The following IFT74 variants were observed in gnomAD, a reference collection of about 807,000 sequenced individuals.
IFT74 encodes the protein intraflagellar transport protein 74 homolog.
In IFT74, 92 loss-of-function variants were observed where a neutral mutation model predicts 96.7. The observed-to-expected ratio is 0.95, with a 90% CI of 0.80 to 1.13. The LOEUF (loss-of-function observed/expected upper bound fraction) is 1.13, where lower values mean the gene tolerates loss of function less well. Ranked by LOEUF, IFT74 falls within the 50% of genes most tolerant of loss-of-function variation. The pLI is 0.00. For missense variants in IFT74, 811 were observed against 698.2 expected, an observed-to-expected ratio of 1.16 and a Z score of -1.82; for synonymous variants, 223 against 213.2, an observed-to-expected ratio of 1.05 and a Z score of -0.40.
At chr9:26,992,282 A>G (rs993653831) in intron 8 of IFT74, among the ~76,000 whole-genome samples, 3 of 152,200 alleles carry the variant, frequency 2.0e-5, no homozygotes, top group Admixed American at 1.3e-4. Context: ...AAAATCTTCA[A>G]ATATGGTAAT....
intron 2 of IFT74, among the ~76,000 whole-genome samples, chr9:26,972,761 C>T (rs1182393631): frequency 1.3e-5 from 2 of 152,150 alleles, no homozygotes; most frequent in South Asian, 4.1e-4. Flanking sequence ...TCAATCCATT[C>T]GGGCCTTATT....
At chr9:26,948,887 C>A (rs935111860) in intron 1 of IFT74, among the ~76,000 whole-genome samples, 1 of 152,130 alleles carries the variant, frequency 6.6e-6, no homozygotes, top group Non-Finnish European at 1.5e-5. Flanking sequence ...TGTCACAATT[C>A]CCTGAACACA....
intron 4 of IFT74, among the ~76,000 whole-genome samples, chr9:26,983,372 G>A (rs993244322): frequency 1.3e-5 from 2 of 152,174 alleles, no homozygotes; most frequent in African/African-American, 4.8e-5. Flanking sequence ...TTGTGTAATT[G>A]TCTGGCTCTA....
At chr9:27,034,347 A>T (rs1216392771) in intron 13 of IFT74, among the ~76,000 whole-genome samples, 1 of 152,222 alleles carries the variant, frequency 6.6e-6, no homozygotes, top group Admixed American at 6.5e-5. Context: ...AACTTTCTGC[A>T]TAATATATAT....
Position 27,019,836 on chromosome 9 carries a change from G to A in IFT74, c.974+1149G>A, listed in dbSNP as rs73436072. On this transcript the variant is annotated intron_variant, in intron 12 of 19. Coordinates refer to ENST00000380062, the MANE Select transcript of IFT74 (RefSeq NM_025103.4). ...GACTCATGACTATGTTTAACTTTTT[G>A]AAGAACTACCAGACTGTTTTCCAAA... 7.2e-3 allele frequency among the ~76,000 whole-genome samples: 1,092 copies of A among 151,980 alleles called. 17 individuals carry two copies. Among genetic ancestry groups the A allele is most frequent in the African/African-American group, 0.025 (1,026 of 41,466 alleles).
Position 27,062,639 on chromosome 9 carries a change from A to C in IFT74, c.1706A>C (p.Glu569Ala). 6.2e-7 allele frequency: 1 copy of C among 1,603,862 alleles called. No homozygotes were observed. The highest frequency in any genetic ancestry group is 8.5e-7 in the Non-Finnish European group (1 of 1,172,482). The part of the protein sequence containing the change: ...MKEFIATKSQ[E>A]SDYQPIKKNV... ...TTAGTCATAGCAACCAAGAGTCAAG[A>C]GAGTGATTACCAGCCAATTAAGAAA... The change falls in exon 20 of 20, where the codon GAG becomes GCG. Residue 569 changes from glutamate (E) to alanine (A), a missense_variant. Coordinates refer to ENST00000380062, the MANE Select transcript of IFT74 (RefSeq NM_025103.4).
intron 12 of IFT74, among the ~76,000 whole-genome samples, chr9:27,025,178 C>G (rs1036412874): frequency 6.6e-6 from 1 of 152,054 alleles, no homozygotes; most frequent in African/African-American, 2.4e-5. Flanking sequence ...AGCACGGTGG[C>G]TCACACCTGT....
At chr9:27,062,487 T>G (rs947539632) in intron 19 of IFT74, 131 bp from the exon 20 acceptor site, 2 of 569,072 alleles carry the variant, frequency 3.5e-6, no homozygotes, top group South Asian at 5.5e-5. Context: ...AATGATGTAC[T>G]GTATTTTAAA....
Position 26,990,187 on chromosome 9 carries a change from A to G in IFT74, c.579A>G (p.Glu193=), listed in dbSNP as rs768630625. Residue 193 remains glutamate (E), a synonymous_variant, in exon 8 of 20, where the codon GAA becomes GAG. Transcript: ENST00000380062. ...AAAGTTTGGATGTCATATTTACTGA[A>G]AGACAAGCGTAAGTATAGCTAATTT... ...ETQSLDVIFT[E]RQAKEKQIRS... 1.4e-6 allele frequency: 2 copies of G among 1,457,784 alleles called. No homozygotes were observed. The highest frequency in any genetic ancestry group is 1.8e-6 in the Non-Finnish European group (2 of 1,097,268). The allele number at this position is 1,457,784 out of a possible 1,614,324, so 90.3% of individuals were successfully genotyped here. A position where few individuals can be genotyped will look rare whatever the true frequency, so the allele number is the denominator to read the frequency against.
intron 1 of IFT74, among the ~76,000 whole-genome samples, chr9:26,959,097 TG>T (rs778459420): frequency 1.4e-4 from 21 of 151,570 alleles, no homozygotes; most frequent in Admixed American, 5.9e-4. Context: ...TTTTTGTTGT[TG>T]TTGTTGTTGT....
intron 1 of IFT74, chr9:26,947,258 A>G (rs1383847980): frequency 3.6e-6 from 2 of 555,322 alleles, no homozygotes; most frequent in Non-Finnish European, 3.1e-6. Context: ...GCACTCCGGA[A>G]TTCATCATCG....
chr9:27,029,466 G>A (rs959691621), intron 13 of IFT74, among the ~76,000 whole-genome samples: 32 of 152,148 alleles, frequency 2.1e-4, no homozygotes, highest in Admixed American at 1.9e-3. Flanking sequence ...CAATATAGTC[G>A]GCCGGGTGTG....
chr9:27,014,825 T>C (rs113300750), intron 10 of IFT74, among the ~76,000 whole-genome samples: 1,542 of 152,288 alleles, frequency 0.01, 16 homozygotes, highest in Non-Finnish European at 0.017. Context: ...GCCAGGCTGG[T>C]CTTGAACTCC....
At chr9:26,975,297 A>T (rs1049408819) in intron 2 of IFT74, among the ~76,000 whole-genome samples, 1 of 152,084 alleles carries the variant, frequency 6.6e-6, no homozygotes, top group East Asian at 1.9e-4. Flanking sequence ...AGGGTAAAGG[A>T]GGACAGGTTC....
chr9:27,054,455 A>C (rs1725060010), intron 16 of IFT74, among the ~76,000 whole-genome samples: 1 of 152,146 alleles, frequency 6.6e-6, no homozygotes, highest in South Asian at 2.1e-4. Context: ...GCCTGCTTCT[A>C]CCTCTAAAAT....
intron 16 of IFT74, among the ~76,000 whole-genome samples, chr9:27,049,389 G>A (rs1022588064): frequency 6.6e-6 from 1 of 152,152 alleles, no homozygotes; most frequent in African/African-American, 2.4e-5. Flanking sequence ...TTCTTTCGGC[G>A]GCCTTGAGCT....
chr9:27,025,412 C>T (rs950317644), intron 12 of IFT74, among the ~76,000 whole-genome samples: 3 of 133,728 alleles, frequency 2.2e-5, no homozygotes, highest in Non-Finnish European at 4.6e-5. Flanking sequence ...CACTGCATTC[C>T]ATCCTGGGTG....
At chr9:26,947,139 G>A (rs1402436466) in exon 1 of IFT74, 9 of 1,367,622 alleles carry the variant, frequency 6.6e-6, no homozygotes, top group African/African-American at 1.5e-5. Context: ...CGGGAGAAGA[G>A]CCTGCAGGTA....
At chr9:27,022,648 T>TTC (rs1829664281) in intron 12 of IFT74, among the ~76,000 whole-genome samples, 1 of 141,136 alleles carries the variant, frequency 7.1e-6, no homozygotes, top group African/African-American at 2.9e-5. Flanking sequence ...CTTGATTTCT[T>TTC]TTTTTTTTTT....
Sources: gnomAD v4.1 joint callset for allele counts (sites outside exome capture counted in the v4.1 genomes callset) on GRCh38, gnomAD v4.1.1 for gene constraint, MANE v1.5 for transcripts, NCBI Gene and HGNC (gene_info 2026-07-23, HGNC 2026-07-21) for gene names.